RTL4: variants seen among roughly 807,000 people sequenced by gnomAD.
RTL4 encodes the protein retrotransposon Gag-like protein 4.
A neutral mutation model predicts 5.3 loss-of-function variants in RTL4; 4 were observed. That is an observed-to-expected ratio of 0.75 (90% confidence interval 0.37 to 1.72). The LOEUF (loss-of-function observed/expected upper bound fraction) is 1.72, where lower values mean the gene tolerates loss of function less well. Among genes scored for constraint, RTL4 ranks in the 40% most tolerant of loss-of-function variants. The pLI is 0.04. For missense variants in RTL4, 260 were observed against 227.1 expected (o/e 1.14, Z -0.93); for synonymous variants, 98 against 87.3 (o/e 1.12, Z -0.68).
the RTL4 span, among the ~76,000 whole-genome samples, chrX:112,154,697 T>C: frequency 1.8e-5 from 2 of 111,954 alleles, no homozygotes; most frequent in African/African-American, 6.5e-5. Flanking sequence ...CGTTGGGACA[T>C]GCCTTCAGCC....
At chrX:112,178,970 A>C in the RTL4 span, among the ~76,000 whole-genome samples, 1 of 112,118 alleles carries the variant, frequency 8.9e-6, no homozygotes, top group African/African-American at 3.2e-5. Context: ...TAGTTGGCAA[A>C]GAAAAACGTG....
At chrX:112,280,351 A>G in the RTL4 span, among the ~76,000 whole-genome samples, 1 of 111,510 alleles carries the variant, frequency 9.0e-6, no homozygotes, top group African/African-American at 3.3e-5. Context: ...TGGAAAACTA[A>G]CTATTGGATA....
chrX:112,226,956 TAA>T, the RTL4 span, among the ~76,000 whole-genome samples: 1 of 55,521 alleles, frequency 1.8e-5, no homozygotes, highest in Non-Finnish European at 3.0e-5. Context: ...AAAAATAAAA[TAA>T]AATAAAATAA....
chrX:112,166,397 A>T, the RTL4 span, among the ~76,000 whole-genome samples: 1 of 112,030 alleles, frequency 8.9e-6, no homozygotes, highest in African/African-American at 3.2e-5. Flanking sequence ...GCTCAGATGA[A>T]TGAAAAACCA....
the RTL4 span, among the ~76,000 whole-genome samples, chrX:112,415,205 A>G: frequency 9.0e-6 from 1 of 111,685 alleles, no homozygotes; most frequent in Non-Finnish European, 1.9e-5. Context: ...GCCCTTCTCA[A>G]TTACTTTTTC....
At chrX:112,454,235 AC>A (rs1302384402), upstream of RTL4, among the ~76,000 whole-genome samples, 1 of 112,071 alleles carries the variant, frequency 8.9e-6, no homozygotes, top group African/African-American at 3.2e-5. Flanking sequence ...GCTTAAAAAA[AC>A]AATCACAAAA....
At chrX:112,349,250 T>C in the RTL4 span, among the ~76,000 whole-genome samples, 1 of 111,711 alleles carries the variant, frequency 9.0e-6, no homozygotes, top group Non-Finnish European at 1.9e-5. Flanking sequence ...TGTGACTTTG[T>C]TTTGGTGTCT....
At chrX:112,331,226 C>G in the RTL4 span, among the ~76,000 whole-genome samples, 2 of 105,595 alleles carry the variant, frequency 1.9e-5, no homozygotes, top group African/African-American at 3.4e-5. Context: ...AGGCAACCTA[C>G]AAAATGGGAG....
the RTL4 span, among the ~76,000 whole-genome samples, chrX:112,370,541 A>G: frequency 3.6e-5 from 4 of 111,797 alleles, no homozygotes; most frequent in African/African-American, 1.3e-4. Context: ...ATATGCAAAT[A>G]TTTTGAAAAG....
the RTL4 span, among the ~76,000 whole-genome samples, chrX:112,173,013 C>T: frequency 1.9e-4 from 10 of 53,789 alleles, no homozygotes; most frequent in Admixed American, 1.0e-3. Context: ...TTGGGGGGGT[C>T]GGGGGAGGGA....
At chrX:112,188,383 G>A in the RTL4 span, among the ~76,000 whole-genome samples, 3,182 of 111,763 alleles carry the variant, frequency 0.028, 71 homozygotes, top group African/African-American at 0.075. Flanking sequence ...TTATTCATGG[G>A]CACCAAACAC....
At chrX:112,200,146 G>A in the RTL4 span, among the ~76,000 whole-genome samples, 2 of 111,901 alleles carry the variant, frequency 1.8e-5, no homozygotes, top group Non-Finnish European at 3.8e-5. Context: ...ATAGTTAGTA[G>A]GGAACCCATA....
the RTL4 span, among the ~76,000 whole-genome samples, chrX:112,101,352 C>T: frequency 4.3e-3 from 484 of 111,561 alleles, 3 homozygotes; most frequent in African/African-American, 0.014. Flanking sequence ...GTGAATGAAG[C>T]ATGTTAACAA....
At chrX:112,173,188 C>A in the RTL4 span, among the ~76,000 whole-genome samples, 1 of 110,919 alleles carries the variant, frequency 9.0e-6, no homozygotes, top group South Asian at 3.8e-4. Context: ...CAATGAAAGA[C>A]CAAGTTCTCA....
chrX:112,248,702 T>A, the RTL4 span, among the ~76,000 whole-genome samples: 1 of 111,853 alleles, frequency 8.9e-6, no homozygotes, highest in African/African-American at 3.3e-5. Flanking sequence ...ATCTCTTCGG[T>A]AGGATAATAA....
the RTL4 span, among the ~76,000 whole-genome samples, chrX:112,279,007 A>G: frequency 9.0e-6 from 1 of 111,510 alleles, no homozygotes; most frequent in African/African-American, 3.3e-5. Context: ...AGATAAAGTT[A>G]TGGAAATCTC....
the RTL4 span, among the ~76,000 whole-genome samples, chrX:112,114,094 G>A: frequency 1.2e-4 from 13 of 111,738 alleles, no homozygotes; most frequent in South Asian, 4.2e-3. Flanking sequence ...CAGGTGATAC[G>A]GGAGTGTATT....
the RTL4 span, among the ~76,000 whole-genome samples, chrX:112,086,770 A>G: frequency 8.9e-6 from 1 of 112,280 alleles, no homozygotes; most frequent in East Asian, 2.8e-4. Context: ...ACACATTCAT[A>G]CATTATGATG....
the RTL4 span, among the ~76,000 whole-genome samples, chrX:112,356,299 A>C: frequency 9.0e-6 from 1 of 111,148 alleles, no homozygotes; most frequent in African/African-American, 3.3e-5. Flanking sequence ...CTACAGACCA[A>C]CCCACAGTCT....
Sources: allele counts gnomAD v4.1 joint callset (sites outside exome capture counted in the v4.1 genomes callset), GRCh38; gene constraint gnomAD v4.1.1; transcripts MANE v1.5; gene names NCBI Gene and HGNC (gene_info 2026-07-23, HGNC 2026-07-21).